Variants in LONRF1 observed in about 807,000 individuals in gnomAD.
The protein encoded by LONRF1 is LON peptidase N-terminal domain and RING finger protein 1.
LONRF1 carries 37 observed loss-of-function variants against 85.8 expected under a neutral mutation model. That is an observed-to-expected ratio of 0.43 (90% CI 0.33 to 0.57). The LOEUF (loss-of-function observed/expected upper bound fraction) is 0.57, where lower values mean the gene tolerates loss of function less well. LONRF1 is among the 20% of genes least tolerant of loss of function. LONRF1 has a pLI of 0.04. For synonymous variants in LONRF1, 517 were observed against 390.1 expected (o/e 1.33, Z -3.83); for missense variants, 1,036 against 978.0 (o/e 1.06, Z -0.79).
Position 12,754,739 on chromosome 8 carries a change from G to A in LONRF1, c.682C>T (p.Arg228Trp), listed in dbSNP as rs1159991005. The change falls in exon 1 of 12, where the codon CGG becomes TGG. Residue 228 changes from arginine to tryptophan, a missense_variant. Coordinates refer to ENST00000398246, the MANE Select transcript of LONRF1 (RefSeq NM_152271.5). The stretch of plus-strand genomic sequence containing the variant: ...TCGCAGGCGGCGGCCAGGGCCTCCC[G>A]GTAGCGCCCCTGGTGCAGTAGCTCC... ...LGELLHQGRY[R>W]EALAAACEAL... 1 of 1,429,226 alleles carries A rather than the reference G, an allele frequency of 7.0e-7. No homozygotes were observed. Among genetic ancestry groups the A allele is most frequent in the Non-Finnish European group, 9.1e-7 (1 of 1,100,358 alleles). The allele number at this position is 1,429,226 out of a possible 1,614,324, so 88.5% of individuals were successfully genotyped here.
chr8:12,737,807 C>T (rs1161037476), intron 4 of LONRF1, among the ~76,000 whole-genome samples, 188 bp downstream of exon 4: 1 of 152,084 alleles, frequency 6.6e-6, no homozygotes, highest in Non-Finnish European at 1.5e-5. Flanking sequence ...AATTGTGATT[C>T]ATTAGCAAAT....
chr8:12,727,897 A>G (rs961657625), intron 10 of LONRF1, among the ~76,000 whole-genome samples: 2 of 152,240 alleles, frequency 1.3e-5, no homozygotes, highest in Non-Finnish European at 2.9e-5. Context: ...GCCAAATGGC[A>G]TAGTGATAAA....
Position 12,743,190 on chromosome 8 carries a change from G to C in LONRF1, c.814C>G (p.Leu272Val), listed in dbSNP as rs1458110197. ...KAAIEDLNAV[L>V]FQLPDWPEVY... ...TCAGGCCAATCTGGAAGTTGAAAAA[G>C]AACTGCATTTAAATCTTCTATGGCT... Residue 272 changes from leucine to valine, a missense_variant, in exon 2 of 12, where the codon CTT becomes GTT. By Grantham distance (32) the Leu-to-Val change is conservative. Coordinates refer to ENST00000398246, the MANE Select transcript of LONRF1 (RefSeq NM_152271.5). 7 of 1,611,664 alleles carry C rather than the reference G, an allele frequency of 4.3e-6. No homozygotes were observed. The highest frequency in any genetic ancestry group is 8.5e-7 in the Non-Finnish European group (1 of 1,178,248).
In LONRF1 at chr8:12,736,903, CTTG is replaced by C. The variant is rs1368251280; in HGVS notation, c.1348_1350del (p.Gln450del). 1.2e-6 allele frequency: 2 copies of C among 1,604,736 alleles called. No homozygotes were observed. Among genetic ancestry groups the C allele is most frequent in the East Asian group, 2.2e-5 (1 of 44,642 alleles). On this transcript the variant is annotated inframe_deletion, in exon 5 of 12. Coordinates refer to ENST00000398246, the MANE Select transcript of LONRF1 (RefSeq NM_152271.5). Reference sequence around the variant, plus strand: ...AAGTGTAGAGCAAAATTTTTACCTCCTTGTTTTTTCAGCTTATTTCTTCCATCT... The same window carrying C: ...AAGTGTAGAGCAAAATTTTTACCTCCTTTTTTCAGCTTATTTCTTCCATCT...
In LONRF1 at chr8:12,739,808, G is replaced by T. The variant is rs142905394; in HGVS notation, c.963+1066C>A. On this transcript the variant is annotated intron_variant, in intron 3 of 11. Transcript: ENST00000398246. ...TTAAAGTTTGCAGTCTTACCAAGAA[G>T]ATAACACTAACGAACATGGAACAGT... is the stretch of plus-strand genomic sequence containing the variant. Among the ~76,000 whole-genome samples the T allele has an allele frequency of 1.4e-4, 21 of 152,294 alleles. 1 individual carries two copies. The highest frequency in any genetic ancestry group is 2.6e-4 in the Non-Finnish European group (18 of 67,990).
chr8:12,744,309 C>A (rs1391423888), intron 1 of LONRF1, among the ~76,000 whole-genome samples: 1 of 152,046 alleles, frequency 6.6e-6, no homozygotes, highest in Non-Finnish European at 1.5e-5. Flanking sequence ...GTTGCTGGTG[C>A]CTGAGAACTG....
chr8:12,741,724 A>C (rs1420036359), intron 2 of LONRF1, among the ~76,000 whole-genome samples: 1 of 152,234 alleles, frequency 6.6e-6, no homozygotes, highest in Non-Finnish European at 1.5e-5. Context: ...AGTATGGTAA[A>C]TTTCTTCCAA....
rs746825546 is a variant in LONRF1, at chr8:12,737,987, C to T, written c.1113+8G>A. On this transcript the variant is annotated splice_region_variant and intron_variant, in intron 4 of 11. Coordinates refer to ENST00000398246, the MANE Select transcript of LONRF1 (RefSeq NM_152271.5). ...CTAAACTCATGATAACCTTGTCTCACCCCGTACCTGCTTTGGGCTAGGTTC... is the reference window on the plus strand; with the variant it reads ...CTAAACTCATGATAACCTTGTCTCATCCCGTACCTGCTTTGGGCTAGGTTC... 1 of 1,599,632 alleles carries T rather than the reference C, an allele frequency of 6.3e-7. No homozygotes were observed. The highest frequency in any genetic ancestry group is 8.5e-7 in the Non-Finnish European group (1 of 1,175,412).
At chr8:12,729,109 C>T (rs757526882) in intron 9 of LONRF1, 46 bp from the exon 10 acceptor site, 25 of 1,611,492 alleles carry the variant, frequency 1.6e-5, no homozygotes, top group Non-Finnish European at 1.8e-5. Context: ...CATAAACATG[C>T]AAGTTCTCAT....
chr8:12,755,066 C>A lies in LONRF1; in HGVS notation c.355G>T (p.Gly119Trp), dbSNP rs1376890626. ...CGGCAGCCCAGGCATCTGAGGAGCC[C>A]GCCGGCGCCGCCGTCAGCGCCTGCA... is the stretch of plus-strand genomic sequence containing the variant. ...PVAGADGGAG[G>W]LLRCLGCRGF... is the part of the protein sequence containing the mutation. Residue 119 changes from glycine to tryptophan, a missense_variant, in exon 1 of 12, where the codon GGG (glycine) becomes TGG (tryptophan). Gly to Trp is a radical substitution (Grantham distance 184, BLOSUM62 -2). Around this residue, in one of 3 missense-constraint regions of LONRF1, gnomAD observed 742 missense variants for 614.4 expected, o/e 1.21. Transcript: ENST00000398246. 3 of 1,473,310 alleles carry A rather than the reference C, an allele frequency of 2.0e-6. No homozygotes were observed. The African/African-American group carries it at 4.4e-5, about 22-fold the overall frequency. The allele number at this position is 1,473,310 out of a possible 1,614,324, so 91.3% of individuals were successfully genotyped here.
chr8:12,731,637 G>T, intron 8 of LONRF1, 99 bp downstream of exon 8: 4 of 995,870 alleles, frequency 4.0e-6, no homozygotes, highest in Non-Finnish European at 4.4e-6. Context: ...TTCTTGACTA[G>T]ACTGAGATGA....
chr8:12,751,210 A>T (rs892576251), intron 1 of LONRF1, among the ~76,000 whole-genome samples: 1 of 152,038 alleles, frequency 6.6e-6, no homozygotes, highest in Non-Finnish European at 1.5e-5. Context: ...AGTACTCCAT[A>T]GAATTCTCTG....
rs949597644 is a variant in LONRF1, at chr8:12,744,320, G to C, written c.722-1038C>G. Among the ~76,000 whole-genome samples, 10 of 151,630 alleles carry C rather than the reference G, an allele frequency of 6.6e-5. No individual in the cohort carries two copies. In the South Asian group the frequency reaches 1.7e-3, roughly 25 times the overall value. ...TTCAGTTGCTGGTGCCTGAGAACTGGGATTACAATGTTCTCAGAATTTTAT... is the reference window on the plus strand; with the variant it reads ...TTCAGTTGCTGGTGCCTGAGAACTGCGATTACAATGTTCTCAGAATTTTAT... On this transcript the variant is annotated intron_variant, in intron 1 of 11. Coordinates refer to ENST00000398246, the MANE Select transcript of LONRF1 (RefSeq NM_152271.5).
intron 11 of LONRF1, 152 bp downstream of exon 11, chr8:12,725,575 C>T: frequency 1.4e-6 from 1 of 690,286 alleles, no homozygotes; most frequent in Non-Finnish European, 2.4e-6. Context: ...CTAGAGAACT[C>T]ATGATTGCAA....
At chr8:12,751,122 C>T (rs1799368110) in intron 1 of LONRF1, among the ~76,000 whole-genome samples, 1 of 152,082 alleles carries the variant, frequency 6.6e-6, no homozygotes. Flanking sequence ...CAGCTTCCAG[C>T]ATGCAGAGCT....
chr8:12,743,094 CTG>C (rs1019888122), intron 2 of LONRF1, 68 bp downstream of exon 2: 2 of 966,564 alleles, frequency 2.1e-6, no homozygotes, highest in Admixed American at 1.8e-5. Context: ...AAATTCCTAA[CTG>C]TGAATGAATG....
chr8:12,732,065 A>G (rs944333307), intron 7 of LONRF1, among the ~76,000 whole-genome samples: 12 of 152,210 alleles, frequency 7.9e-5, no homozygotes, highest in African/African-American at 2.9e-4. Flanking sequence ...AGTTGGCTGC[A>G]ACCTGAACCA....
rs1018849091 is a variant in LONRF1, at chr8:12,730,999, A to C, written c.1688+737T>G. 6.6e-5 allele frequency among the ~76,000 whole-genome samples: 10 copies of C among 152,208 alleles called. No homozygotes were observed. In the East Asian group the frequency reaches 1.9e-3, roughly 29 times the overall value. ...TTAAAAGAGAGTAAAAGAAATAAAG[A>C]AATTAAAAACCCGTTAATAAAATTT... On this transcript the variant is annotated intron_variant, in intron 8 of 11. Coordinates refer to ENST00000398246, the MANE Select transcript of LONRF1 (RefSeq NM_152271.5).
Position 12,722,239 on chromosome 8 carries a change from A to G in LONRF1, c.*857T>C, listed in dbSNP as rs941434265. The stretch of plus-strand genomic sequence containing the variant: ...CATTTTTTTTTAAAACAAACACATC[A>G]TGTCAAACTATAAATTACACAAATG... On this transcript the variant is annotated 3_prime_UTR_variant, in exon 12 of 12. Coordinates refer to ENST00000398246, the MANE Select transcript of LONRF1 (RefSeq NM_152271.5). The G allele has an allele frequency of 2.0e-5, 3 of 152,632 alleles. No individual in the cohort carries two copies. Among genetic ancestry groups the G allele is most frequent in the African/African-American group, 7.2e-5 (3 of 41,448 alleles). 9.5% of individuals were successfully genotyped at this position (152,632 alleles called of 1,614,324 possible). A position where few individuals can be genotyped will look rare whatever the true frequency, so the allele number is the denominator to read the frequency against.
Sources: gnomAD v4.1 joint callset for allele counts (sites outside exome capture counted in the v4.1 genomes callset) on GRCh38, gnomAD v4.1.1 for gene constraint, gnomAD v4.1.1 regional missense constraint, MANE v1.5 for transcripts, NCBI Gene and HGNC (gene_info 2026-07-23, HGNC 2026-07-21) for gene names.